PTPRZ1: variants seen among roughly 807,000 people sequenced by gnomAD.
The protein encoded by PTPRZ1 is protein tyrosine phosphatase receptor type Z1, also known as receptor-type tyrosine-protein phosphatase zeta.
A neutral mutation model predicts 214.1 loss-of-function variants in PTPRZ1; 82 were observed. That is an observed-to-expected ratio of 0.38 (90% CI 0.32 to 0.46). The LOEUF is 0.46. Among genes scored for constraint, PTPRZ1 ranks in the 20% least tolerant of loss-of-function variants. The pLI, the probability that PTPRZ1 is intolerant of heterozygous loss-of-function variation, is 1.00. For missense variants in PTPRZ1, 2,603 were observed against 2,748.7 expected (o/e 0.95, Z 1.19); for synonymous variants, 945 against 987.9 (o/e 0.96, Z 0.81).
At chr7:121,980,865 G>A (rs1294906110) in intron 6 of PTPRZ1, among the ~76,000 whole-genome samples, 2 of 152,156 alleles carry the variant, frequency 1.3e-5, no homozygotes, top group African/African-American at 2.4e-5. Flanking sequence ...AGACTAGGCC[G>A]GGCGTGGTGT....
intron 14 of PTPRZ1, among the ~76,000 whole-genome samples, chr7:122,029,329 C>T (rs1421886739): frequency 1.3e-5 from 2 of 151,978 alleles, no homozygotes; most frequent in East Asian, 1.9e-4. Context: ...CTAGAGTTTA[C>T]ACTATAAGTA....
At chr7:121,967,901 T>A (rs1206686684) in intron 2 of PTPRZ1, 50 bp from the exon 3 acceptor site, 1 of 1,348,870 alleles carries the variant, frequency 7.4e-7, no homozygotes, top group South Asian at 1.3e-5. Context: ...AAGTTTAATT[T>A]TTGCATGGTA....
At chr7:121,983,899 T>C in intron 7 of PTPRZ1, 68 bp from the exon 8 acceptor site, 1 of 1,588,170 alleles carries the variant, frequency 6.3e-7, no homozygotes, top group Non-Finnish European at 8.6e-7. Flanking sequence ...TGCTATAAAA[T>C]ATCCATTTTA....
intron 11 of PTPRZ1, among the ~76,000 whole-genome samples, chr7:122,005,379 A>G (rs1487400111): frequency 2.0e-5 from 3 of 151,986 alleles, no homozygotes; most frequent in African/African-American, 7.2e-5. Flanking sequence ...GTTGATGATA[A>G]TACGAATGTG....
At chr7:122,058,002 G>A (rs1370379191) in intron 27 of PTPRZ1, among the ~76,000 whole-genome samples, 3 of 149,212 alleles carry the variant, frequency 2.0e-5, no homozygotes, top group Admixed American at 6.7e-5. Flanking sequence ...ATATATATAT[G>A]TGTGCTTGTT....
In PTPRZ1 at chr7:122,061,749, A is replaced by G. The variant is rs1335505173; in HGVS notation, c.*529A>G. ...GTCTCCATGGACCAAATTTATATTT[A>G]TAATTGTAGATTTTTATATTTTACT... On this transcript the variant is annotated 3_prime_UTR_variant, in exon 30 of 30. Transcript: ENST00000393386. 1 of 152,610 alleles carries G rather than the reference A, an allele frequency of 6.6e-6. No homozygotes were observed. Among genetic ancestry groups the G allele is most frequent in the Non-Finnish European group, 1.5e-5 (1 of 68,034 alleles). 9.5% of individuals were successfully genotyped at this position (152,610 alleles called of 1,614,324 possible). A position where few individuals can be genotyped will look rare whatever the true frequency, so the allele number is the denominator to read the frequency against.
chr7:121,999,799 G>A (rs1036203019), intron 10 of PTPRZ1, among the ~76,000 whole-genome samples: 1 of 152,014 alleles, frequency 6.6e-6, no homozygotes, highest in Non-Finnish European at 1.5e-5. Context: ...AGTGATTTCT[G>A]AGTGATCCTG....
At chr7:121,975,340 A>G (rs1797398358) in intron 4 of PTPRZ1, among the ~76,000 whole-genome samples, 1 of 152,202 alleles carries the variant, frequency 6.6e-6, no homozygotes, top group Admixed American at 6.5e-5. Context: ...TGTCTTGCCT[A>G]ATAGGCCTTT....
At chr7:121,963,626 T>C (rs986999105) in intron 2 of PTPRZ1, among the ~76,000 whole-genome samples, 4 of 152,170 alleles carry the variant, frequency 2.6e-5, no homozygotes, top group Non-Finnish European at 4.4e-5. Context: ...TGGTTTTTAC[T>C]ATTATAATGA....
chr7:122,012,943 G>A lies in PTPRZ1; in HGVS notation c.3897G>A (p.Glu1299=). The part of the protein sequence containing the change: ...NDELFQTANL[E]INQAHPPKGR... ...AGTTGTTCCAAACGGCCAATTTGGAGATTAACCAGGCCCATCCCCCAAAAG... is the reference window on the plus strand; with the variant it reads ...AGTTGTTCCAAACGGCCAATTTGGAAATTAACCAGGCCCATCCCCCAAAAG... Residue 1299 remains glutamate, a synonymous_variant, in exon 12 of 30, where the codon GAG becomes GAA. Coordinates refer to ENST00000393386, the MANE Select transcript of PTPRZ1 (RefSeq NM_002851.3). 1 of 1,614,084 alleles carries A rather than the reference G, an allele frequency of 6.2e-7. No individual in the cohort carries two copies. Among genetic ancestry groups the A allele is most frequent in the Non-Finnish European group, 8.5e-7 (1 of 1,179,954 alleles).
rs1028925644 is a variant in PTPRZ1 at position 121,985,792 on chromosome 7, C to T, written c.928+1675C>T. On this transcript the variant is annotated intron_variant, in intron 8 of 29. Coordinates refer to ENST00000393386, the MANE Select transcript of PTPRZ1 (RefSeq NM_002851.3). ...AAATGGTGCTCCTCTGGAGGTTGTACGATGTGCTCAGCTTCTCCAGACTTC... is the reference window on the plus strand; with the variant it reads ...AAATGGTGCTCCTCTGGAGGTTGTATGATGTGCTCAGCTTCTCCAGACTTC... Among the ~76,000 whole-genome samples the T allele has an allele frequency of 5.3e-5, 8 of 152,206 alleles. No individual in the cohort carries two copies. The East Asian group carries it at 7.7e-4, about 15-fold the overall frequency.
intron 6 of PTPRZ1, among the ~76,000 whole-genome samples, chr7:121,983,043 C>T (rs950439863): frequency 1.3e-5 from 2 of 152,318 alleles, no homozygotes; most frequent in South Asian, 2.1e-4. Context: ...TCTTTACAGG[C>T]GTGAGCCACC....
intron 6 of PTPRZ1, among the ~76,000 whole-genome samples, chr7:121,980,222 C>T (rs1287341454): frequency 6.6e-6 from 1 of 152,116 alleles, no homozygotes; most frequent in Non-Finnish European, 1.5e-5. Flanking sequence ...ATTTCTGGCT[C>T]TTTACCTAAT....
chr7:122,058,913 T>G lies in PTPRZ1; in HGVS notation c.6642T>G (p.Asn2214Lys), dbSNP rs1263718334. 1 of 1,591,350 alleles carries G rather than the reference T, an allele frequency of 6.3e-7. No individual in the cohort carries two copies. Among genetic ancestry groups the G allele is most frequent in the South Asian group, 1.1e-5 (1 of 90,552 alleles). ...LISVIKEEAA[N>K]RDGPMIVHDE... ...GTGTTATAAAAGAAGAAGCTGCCAA[T>G]AGGGATGGGCCTATGATTGTTCATG... The change falls in exon 28 of 30, where the codon AAT (asparagine) becomes AAG (lysine). Residue 2214 changes from asparagine (N) to lysine (K), a missense_variant. By Grantham distance (94) the Asn-to-Lys change is moderately conservative. This residue lies in a region of PTPRZ1 where 165 missense variants were observed against 151.4 expected (regional missense o/e 1.09). Transcript: ENST00000393386.
At chr7:121,887,223 A>G (rs1022133119) in intron 1 of PTPRZ1, among the ~76,000 whole-genome samples, 3 of 152,134 alleles carry the variant, frequency 2.0e-5, no homozygotes. Flanking sequence ...CTTCTTGCTC[A>G]TATAGTAGGT....
intron 2 of PTPRZ1, among the ~76,000 whole-genome samples, chr7:121,941,873 A>G (rs1029796385): frequency 1.1e-4 from 17 of 152,180 alleles, no homozygotes; most frequent in African/African-American, 4.1e-4. Flanking sequence ...GTGTGAAAAT[A>G]TATTCTCTTA....
Position 122,040,946 on chromosome 7 carries a change from G to C in PTPRZ1, c.5768G>C (p.Arg1923Pro). ...TFVRKAAYAK[R>P]HAVGPVVVHC... Reference sequence around the variant, plus strand: ...GTGAGAAAGGCAGCCTATGCCAAGCGCCATGCAGTGGGGCCTGTTGTCGTC... The same window carrying C: ...GTGAGAAAGGCAGCCTATGCCAAGCCCCATGCAGTGGGGCCTGTTGTCGTC... Residue 1923 changes from arginine (R) to proline (P), a missense_variant, in exon 21 of 30, where the codon CGC (arginine) becomes CCC (proline). Arg to Pro is a moderately radical substitution (Grantham distance 103, BLOSUM62 -2). Transcript: ENST00000393386. 1 of 1,589,142 alleles carries C rather than the reference G, an allele frequency of 6.3e-7. No homozygotes were observed. Among genetic ancestry groups the C allele is most frequent in the Non-Finnish European group, 8.6e-7 (1 of 1,162,022 alleles).
intron 1 of PTPRZ1, among the ~76,000 whole-genome samples, chr7:121,892,543 A>G (rs1474151496): frequency 6.6e-6 from 1 of 151,470 alleles, no homozygotes; most frequent in Non-Finnish European, 1.5e-5. Flanking sequence ...AAATAATTAA[A>G]TATATTAAAA....
At position 121,997,882 on chromosome 7, in the gene PTPRZ1, T is replaced by G. The variant is rs775392396; in HGVS notation, c.1116T>G (p.Gly372=). 1 of 1,602,860 alleles carries G rather than the reference T, an allele frequency of 6.2e-7. No individual in the cohort carries two copies. The highest frequency in any genetic ancestry group is 1.3e-5 in the African/African-American group (1 of 74,644). The change falls in exon 10 of 30, where the codon GGT becomes GGG. Residue 372 remains glycine (G), a splice_region_variant and synonymous_variant. Transcript: ENST00000393386. ...EFLTDGYQDL[G]AILNNLLPNM... ...AATTACTAACATCTTTCTTTTAGGG[T>G]GCTATTCTCAATAATTTGCTACCCA... is the stretch of plus-strand genomic sequence containing the variant.
Sources: gnomAD v4.1 joint callset for allele counts (sites outside exome capture counted in the v4.1 genomes callset) on GRCh38, gnomAD v4.1.1 for gene constraint, gnomAD v4.1.1 regional missense constraint, MANE v1.5 for transcripts, NCBI Gene and HGNC (gene_info 2026-07-23, HGNC 2026-07-21) for gene names.